Variants in RIMS1 observed in about 807,000 individuals in gnomAD.
RIMS1 encodes regulating synaptic membrane exocytosis 1, also known as regulating synaptic membrane exocytosis protein 1.
A neutral mutation model predicts 214.1 loss-of-function variants in RIMS1; 83 were observed. The ratio of observed to expected loss-of-function variants is 0.39; its 90% CI spans 0.32 to 0.47. The LOEUF (loss-of-function observed/expected upper bound fraction) is 0.47, where lower values mean the gene tolerates loss of function less well. RIMS1 is among the 20% of genes least tolerant of loss of function. RIMS1 has a pLI of 0.99. For missense variants in RIMS1, 2,050 were observed against 2,161.8 expected (o/e 0.95, Z 1.03); for synonymous variants, 793 against 786.8 (o/e 1.01, Z -0.13).
intron 1 of RIMS1, among the ~76,000 whole-genome samples, chr6:71,961,108 G>A (rs960470936): frequency 6.6e-6 from 1 of 152,042 alleles, no homozygotes; most frequent in African/African-American, 2.4e-5. Context: ...CTGCCTCTAG[G>A]AACTGAGTTA....
chr6:71,973,151 G>A (rs984570173), intron 2 of RIMS1, among the ~76,000 whole-genome samples: 13 of 152,100 alleles, frequency 8.5e-5, no homozygotes, highest in East Asian at 7.7e-4. Flanking sequence ...TTCGTGATCC[G>A]CCCACCTTGG....
intron 27 of RIMS1, among the ~76,000 whole-genome samples, chr6:72,313,036 T>C (rs1262849885): frequency 1.2e-4 from 19 of 152,174 alleles, no homozygotes; most frequent in Admixed American, 1.2e-3. Context: ...AGCATTTCTT[T>C]TACACATCAT....
chr6:71,957,814 A>T (rs568078707), intron 1 of RIMS1, among the ~76,000 whole-genome samples: 4 of 147,894 alleles, frequency 2.7e-5, no homozygotes, highest in South Asian at 2.1e-4. Context: ...AAAAAGAGTC[A>T]GCCTTTATTA....
chr6:72,211,804 C>G (rs745435877), intron 6 of RIMS1, among the ~76,000 whole-genome samples: 5 of 152,092 alleles, frequency 3.3e-5, no homozygotes, highest in South Asian at 4.1e-4. Flanking sequence ...AGGTTTTTAT[C>G]TGTACTTTCT....
chr6:72,311,509 A>G (rs2095508421), intron 27 of RIMS1, among the ~76,000 whole-genome samples: 1 of 152,224 alleles, frequency 6.6e-6, no homozygotes, highest in Non-Finnish European at 1.5e-5. Flanking sequence ...ATGAAATCAT[A>G]TAAATATTAA....
chr6:72,105,682 G>A (rs1173699863), intron 4 of RIMS1, among the ~76,000 whole-genome samples: 1 of 152,094 alleles, frequency 6.6e-6, no homozygotes, highest in Non-Finnish European at 1.5e-5. Context: ...ATATGCATAT[G>A]TATACGTATA....
At chr6:72,002,607 G>A (rs553401634) in intron 2 of RIMS1, among the ~76,000 whole-genome samples, 1 of 152,160 alleles carries the variant, frequency 6.6e-6, no homozygotes. Context: ...CAGTGACAAA[G>A]TTGGATTTCA....
At position 71,958,384 on chromosome 6, in the gene RIMS1, C is replaced by G. The variant is rs535352720; in HGVS notation, c.165-10599C>G. Reference sequence around the variant, plus strand: ...CAGTAGTTGGATTGTTGCTATTAAACAAATTCTCTTATGCCTATATAAGAA... The same window carrying G: ...CAGTAGTTGGATTGTTGCTATTAAAGAAATTCTCTTATGCCTATATAAGAA... On this transcript the variant is annotated intron_variant, in intron 1 of 33. Coordinates refer to ENST00000521978, the MANE Select transcript of RIMS1 (RefSeq NM_014989.7). 1.1e-3 allele frequency among the ~76,000 whole-genome samples: 172 copies of G among 152,182 alleles called. 1 individual carries two copies. The highest frequency in any genetic ancestry group is 1.3e-3 in the Non-Finnish European group (91 of 67,982).
intron 28 of RIMS1, among the ~76,000 whole-genome samples, chr6:72,330,572 G>A (rs2096626006): frequency 6.6e-6 from 1 of 151,698 alleles, no homozygotes; most frequent in African/African-American, 2.4e-5. Context: ...AATATAACCA[G>A]TACAAAATGT....
intron 1 of RIMS1, among the ~76,000 whole-genome samples, chr6:71,965,322 G>T (rs1450616884): frequency 6.6e-6 from 1 of 152,166 alleles, no homozygotes; most frequent in Non-Finnish European, 1.5e-5. Context: ...AGGGTAGAAG[G>T]TAGTGATTGC....
chr6:72,080,074 TAAAAAA>T (rs770845471), intron 2 of RIMS1, among the ~76,000 whole-genome samples: 4 of 22,400 alleles, frequency 1.8e-4, no homozygotes, highest in African/African-American at 5.5e-4. Flanking sequence ...GTGTCTCTAC[TAAAAAA>T]AAAAAAAAAA....
At chr6:71,898,083 G>T (rs536821131) in intron 1 of RIMS1, among the ~76,000 whole-genome samples, 1 of 152,082 alleles carries the variant, frequency 6.6e-6, no homozygotes, top group South Asian at 2.1e-4. Context: ...ATGGCCTGTT[G>T]TATCTTGATT....
chr6:72,226,698 G>A (rs2060288514), intron 6 of RIMS1, among the ~76,000 whole-genome samples: 2 of 151,982 alleles, frequency 1.3e-5, no homozygotes, highest in African/African-American at 2.4e-5. Flanking sequence ...GGGATATCTT[G>A]AACAATCTGG....
At chr6:72,335,913 G>T (rs2096828608) in intron 29 of RIMS1, among the ~76,000 whole-genome samples, 1 of 151,842 alleles carries the variant, frequency 6.6e-6, no homozygotes, top group Non-Finnish European at 1.5e-5. Context: ...CCCATTTTAT[G>T]ATGGGGTTGT....
At chr6:72,248,151 G>T (rs200033974) in intron 12 of RIMS1, 24 bp downstream of exon 12, 24 of 1,461,110 alleles carry the variant, frequency 1.6e-5, no homozygotes, top group Middle Eastern at 3.5e-4. Context: ...GTACATGTTG[G>T]AGGCTGTTAG....
intron 1 of RIMS1, among the ~76,000 whole-genome samples, chr6:71,906,950 G>T (rs1414333005): frequency 6.6e-6 from 1 of 151,676 alleles, no homozygotes; most frequent in South Asian, 2.1e-4. Flanking sequence ...ATAAAGACAG[G>T]TGCATCTACA....
chr6:71,943,476 A>C (rs1269236690), intron 1 of RIMS1, among the ~76,000 whole-genome samples: 1 of 152,156 alleles, frequency 6.6e-6, no homozygotes, highest in Non-Finnish European at 1.5e-5. Flanking sequence ...TGGATGAGGA[A>C]CCAGTCACTC....
At chr6:72,333,573 A>C (rs2096742630) in intron 28 of RIMS1, 27 bp from the exon 29 acceptor site, 2 of 1,476,838 alleles carry the variant, frequency 1.4e-6, no homozygotes, top group Non-Finnish European at 1.9e-6. Flanking sequence ...TTATGGATGC[A>C]TATATGTTTT....
intron 29 of RIMS1, among the ~76,000 whole-genome samples, chr6:72,377,195 CCTT>C (rs2098405572): frequency 6.6e-6 from 1 of 152,168 alleles, no homozygotes; most frequent in Non-Finnish European, 1.5e-5. Flanking sequence ...CTGTCACCCA[CCTT>C]CTTCTGTTCC....
Sources: allele counts gnomAD v4.1 joint callset (sites outside exome capture counted in the v4.1 genomes callset), GRCh38; gene constraint gnomAD v4.1.1; transcripts MANE v1.5; gene names NCBI Gene and HGNC (gene_info 2026-07-23, HGNC 2026-07-21).